PTPRN2: variants seen among roughly 807,000 people sequenced by gnomAD.
PTPRN2 encodes the protein receptor-type tyrosine-protein phosphatase N2.
In PTPRN2, 74 loss-of-function variants were observed where a neutral mutation model predicts 118.8. The ratio of observed to expected loss-of-function variants is 0.62; its 90% CI spans 0.52 to 0.76. PTPRN2 has a LOEUF of 0.76. Ranked by LOEUF, PTPRN2 falls within the 30% of genes least tolerant of loss-of-function variation. The pLI is 0.00. For synonymous variants in PTPRN2, 641 were observed against 608.0 expected, an observed-to-expected ratio of 1.05 and a Z score of -0.80; for missense variants, 1,481 against 1,394.4, an observed-to-expected ratio of 1.06 and a Z score of -0.99.
chr7:158,305,108 G>C (rs1278825749), intron 3 of PTPRN2, among the ~76,000 whole-genome samples: 1 of 152,182 alleles, frequency 6.6e-6, no homozygotes, highest in Non-Finnish European at 1.5e-5. Context: ...GACACCAAGG[G>C]AGGAGGGTAG....
In PTPRN2 at chr7:158,570,889, C is replaced by T. The variant is rs1453697908; in HGVS notation, c.112+16669G>A. 6.6e-6 allele frequency among the ~76,000 whole-genome samples: 1 copy of T among 152,196 alleles called. No individual in the cohort carries two copies. Among genetic ancestry groups the T allele is most frequent in the Non-Finnish European group, 1.5e-5 (1 of 68,046 alleles). On this transcript the variant is annotated intron_variant, in intron 1 of 22. Transcript: ENST00000389418. This position sits in a 1 kb window ranked among gnomAD's most constrained non-coding sequence, Gnocchi z 4.5. Reference sequence around the variant, plus strand: ...TGGAAAGACACAAACGTGCATGGACCTGGTTACCTCTGGCCTTCCTCTGCT... The same window carrying T: ...TGGAAAGACACAAACGTGCATGGACTTGGTTACCTCTGGCCTTCCTCTGCT...
At chr7:158,503,583 C>A (rs1039268070) in intron 1 of PTPRN2, among the ~76,000 whole-genome samples, 1 of 152,184 alleles carries the variant, frequency 6.6e-6, no homozygotes, top group African/African-American at 2.4e-5. Context: ...GTAACAGTAC[C>A]GAACACTGAT....
intron 5 of PTPRN2, among the ~76,000 whole-genome samples, chr7:158,183,575 A>G (rs4909119): frequency 0.62 from 94,449 of 152,114 alleles, 30,303 homozygotes; most frequent in East Asian, 0.78. Context: ...GGCTTCCCCA[A>G]TCCATGCTGG....
chr7:158,082,563 G>A (rs1004412067), intron 10 of PTPRN2, among the ~76,000 whole-genome samples: 1 of 152,218 alleles, frequency 6.6e-6, no homozygotes, highest in Non-Finnish European at 1.5e-5. Flanking sequence ...AATATTCCAT[G>A]TGGACGTCTT....
At chr7:158,076,345 A>G (rs1812356752) in intron 11 of PTPRN2, among the ~76,000 whole-genome samples, 1 of 151,860 alleles carries the variant, frequency 6.6e-6, no homozygotes, top group Admixed American at 6.6e-5. Context: ...GGATGGCTTT[A>G]GGCCCCACTG....
intron 2 of PTPRN2, among the ~76,000 whole-genome samples, chr7:158,389,482 G>C (rs977071827): frequency 6.6e-6 from 1 of 152,284 alleles, no homozygotes; most frequent in African/African-American, 2.4e-5. Flanking sequence ...CAACCCACAG[G>C]CTTCCCTTGC....
In PTPRN2 at chr7:157,657,940, C is replaced by CACACATCGCAG. The variant is rs956005170; in HGVS notation, c.2002-1390_2002-1389insCTGCGATGTGT. On this transcript the variant is annotated intron_variant, in intron 13 of 22. Coordinates refer to ENST00000389418, the MANE Select transcript of PTPRN2 (RefSeq NM_002847.5). ...ACACACATCGCAGACACACCACACA[C>CACACATCGCAG]ACACACCACACACATATGTAACAGA... Among the ~76,000 whole-genome samples the CACACATCGCAG allele has an allele frequency of 2.2e-4, 30 of 138,600 alleles. No individual in the cohort carries two copies. In the South Asian group the frequency reaches 7.1e-3, roughly 33 times the overall value. 90.9% of individuals were successfully genotyped at this position (138,600 alleles called of 152,430 possible). A position where few individuals can be genotyped will look rare whatever the true frequency, so the allele number is the denominator to read the frequency against.
intron 12 of PTPRN2, among the ~76,000 whole-genome samples, chr7:157,716,226 T>A (rs1798898063): frequency 6.6e-6 from 1 of 152,226 alleles, no homozygotes; most frequent in African/African-American, 2.4e-5. Context: ...GAAGTCGCAG[T>A]TGTTGGGTGG....
At chr7:158,573,570 T>C (rs910345454) in intron 1 of PTPRN2, among the ~76,000 whole-genome samples, 14 of 151,876 alleles carry the variant, frequency 9.2e-5, no homozygotes, top group African/African-American at 3.4e-4. Context: ...AGAGCTCGGG[T>C]CTCTGTCCAG....
rs749693400 is a variant in PTPRN2 at position 158,020,317 on chromosome 7, G to A, written c.1723+60981C>T. 1.6e-4 allele frequency among the ~76,000 whole-genome samples: 25 copies of A among 152,338 alleles called. No homozygotes were observed. In the East Asian group the frequency reaches 2.1e-3, roughly 13 times the overall value. ...CTTGTGCAGCCATCTGGGTAGAGAC[G>A]CAGAAAGACTTCTTACAGTGAGTGG... On this transcript the variant is annotated intron_variant, in intron 11 of 22. Coordinates refer to ENST00000389418, the MANE Select transcript of PTPRN2 (RefSeq NM_002847.5).
Position 158,309,096 on chromosome 7 carries a change from T to G in PTPRN2, c.277+7723A>C, listed in dbSNP as rs534351913. Among the ~76,000 whole-genome samples, 6 of 152,216 alleles carry G rather than the reference T, an allele frequency of 3.9e-5. No homozygotes were observed. In the East Asian group the frequency reaches 1.2e-3, roughly 29 times the overall value. On this transcript the variant is annotated intron_variant, in intron 3 of 22. Coordinates refer to ENST00000389418, the MANE Select transcript of PTPRN2 (RefSeq NM_002847.5). ...TTCTTTCACAGTCTTCCAAAAAAAA[T>G]AAAGAAAGAATACTCTTCAATTAAC...
intron 12 of PTPRN2, among the ~76,000 whole-genome samples, chr7:157,734,137 T>C (rs776000809): frequency 4.7e-4 from 35 of 73,904 alleles, no homozygotes; most frequent in African/African-American, 2.3e-3. Flanking sequence ...CCCTTTCCCG[T>C]CCCAGGCGCC....
intron 1 of PTPRN2, among the ~76,000 whole-genome samples, chr7:158,562,414 C>T (rs888888904): frequency 2.0e-5 from 3 of 152,130 alleles, no homozygotes; most frequent in Non-Finnish European, 4.4e-5. Context: ...CATGCACTTG[C>T]GGGGACAAAC....
rs1563193852 is a variant in PTPRN2 at position 157,872,449 on chromosome 7, CCACACACGCA to C, written c.1788+26214_1788+26223del. Among the ~76,000 whole-genome samples, 459 of 149,956 alleles carry C rather than the reference CCACACACGCA, an allele frequency of 3.1e-3. 9 individuals are homozygous for C. The highest frequency in any genetic ancestry group is 0.011 in the African/African-American group (434 of 40,824). On this transcript the variant is annotated intron_variant, in intron 12 of 22. Coordinates refer to ENST00000389418, the MANE Select transcript of PTPRN2 (RefSeq NM_002847.5). ...CACACACACATACCCAGTGTCCTCC[CCACACACGCA>C]TATCCAGTGTCCTCCCCACACACGC... is the stretch of plus-strand genomic sequence containing the variant.
chr7:158,316,850 C>A lies in PTPRN2; in HGVS notation c.246G>T (p.Leu82=), dbSNP rs750261607. ...CGGAAAGCTTCTGCAACGCCACGCG[C>A]AGGCGCTGCAGGGCCACGGGCGACA... ...YEVSPVALQR[L]RVALQKLSGT... is the part of the protein sequence containing the mutation. Residue 82 remains leucine (L), a synonymous_variant, in exon 3 of 23, where the codon CTG becomes CTT. Coordinates refer to ENST00000389418, the MANE Select transcript of PTPRN2 (RefSeq NM_002847.5). The A allele has an allele frequency of 8.1e-6, 13 of 1,609,666 alleles. No individual in the cohort carries two copies. Among genetic ancestry groups the A allele is most frequent in the Non-Finnish European group, 1.1e-5 (13 of 1,179,632 alleles).
Position 158,387,232 on chromosome 7 carries a change from A to G in PTPRN2, c.164-70300T>C, listed in dbSNP as rs963501220. Among the ~76,000 whole-genome samples, 24 of 152,292 alleles carry G rather than the reference A, an allele frequency of 1.6e-4. 1 individual carries two copies. In the South Asian group the frequency reaches 1.9e-3, roughly 12 times the overall value. On this transcript the variant is annotated intron_variant, in intron 2 of 22. Transcript: ENST00000389418. ...GACAGATCTCCTGGTACCACATGGG[A>G]GACCAGAAACCTTTCCATGAAACTT...
chr7:157,559,673 C>T (rs1000881677), intron 21 of PTPRN2, among the ~76,000 whole-genome samples: 7 of 152,158 alleles, frequency 4.6e-5, no homozygotes, highest in South Asian at 2.1e-4. Flanking sequence ...CAGCCTGGAC[C>T]GTGGAGCTGT....
intron 17 of PTPRN2, among the ~76,000 whole-genome samples, chr7:157,582,604 G>A (rs189214766): frequency 3.2e-4 from 48 of 152,188 alleles, no homozygotes; most frequent in African/African-American, 9.1e-4. Flanking sequence ...GGCCAGGCAC[G>A]GTGGCTCACA....
chr7:158,388,907 C>T (rs1811711850), intron 2 of PTPRN2, among the ~76,000 whole-genome samples: 1 of 152,236 alleles, frequency 6.6e-6, no homozygotes, highest in Non-Finnish European at 1.5e-5. Context: ...TGATACAAAA[C>T]TTCTTTTTCA....
Sources: allele counts gnomAD v4.1 joint callset (sites outside exome capture counted in the v4.1 genomes callset), GRCh38; gene constraint gnomAD v4.1.1; non-coding constraint Gnocchi (gnomAD v3.1); transcripts MANE v1.5; gene names NCBI Gene and HGNC (gene_info 2026-07-23, HGNC 2026-07-21).